MYOF: variants seen among roughly 807,000 people sequenced by gnomAD.
MYOF encodes myoferlin, also known as fer-1-like 3, myoferlin.
In MYOF, 244 loss-of-function variants were observed where a neutral mutation model predicts 284.2. The ratio of observed to expected loss-of-function variants is 0.86; its 90% CI spans 0.77 to 0.95. MYOF has a LOEUF of 0.95. Among genes scored for constraint, MYOF ranks in the 40% least tolerant of loss-of-function variants. The probability of loss-of-function intolerance (pLI) is 0.00; values close to 1 mark genes in which losing one functional copy is unlikely to be tolerated. For missense variants in MYOF, 2,496 were observed against 2,560.6 expected (o/e 0.97, Z 0.54); for synonymous variants, 904 against 919.7 (o/e 0.98, Z 0.31).
chr10:93,442,057 A>G (rs1282199865), intron 3 of MYOF, among the ~76,000 whole-genome samples: 1 of 139,858 alleles, frequency 7.2e-6, no homozygotes, highest in African/African-American at 2.6e-5. Context: ...AAACCTTGGA[A>G]AGTCTGGGCT....
intron 37 of MYOF, among the ~76,000 whole-genome samples, chr10:93,347,315 G>A (rs1210274386): frequency 6.6e-6 from 1 of 151,492 alleles, no homozygotes; most frequent in African/African-American, 2.4e-5. Context: ...CACTTTGGGA[G>A]GCCGAGGCGG....
intron 42 of MYOF, 21 bp from the exon 43 acceptor site, chr10:93,333,333 G>A: frequency 6.3e-7 from 1 of 1,598,318 alleles, no homozygotes; most frequent in Non-Finnish European, 8.6e-7. Flanking sequence ...AAATAGACGG[G>A]ATGTTACATC....
chr10:93,337,592 A>G (rs976705584), intron 40 of MYOF: 25 of 481,942 alleles, frequency 5.2e-5, no homozygotes, highest in Non-Finnish European at 7.7e-5. Context: ...CCAAGCCCCA[A>G]TGTGGCAGTC....
chr10:93,309,292 C>T (rs902306411), intron 53 of MYOF, among the ~76,000 whole-genome samples: 14 of 152,172 alleles, frequency 9.2e-5, no homozygotes, highest in Admixed American at 2.0e-4. Context: ...ACAAATCATG[C>T]CAATAATTTA....
chr10:93,313,817 C>T (rs188506558), intron 50 of MYOF, among the ~76,000 whole-genome samples: 46 of 152,196 alleles, frequency 3.0e-4, no homozygotes, highest in African/African-American at 6.3e-4. Flanking sequence ...ACAAGAATCG[C>T]GTGAGCCCAG....
intron 39 of MYOF, 100 bp from the exon 40 acceptor site, chr10:93,338,013 C>T: frequency 1.2e-6 from 1 of 859,610 alleles, no homozygotes; most frequent in Non-Finnish European, 1.9e-6. Flanking sequence ...ATAGGTTCTT[C>T]TGACCCTGTT....
In MYOF at chr10:93,431,516, T is replaced by A. The variant is rs1848869897; in HGVS notation, c.237A>T (p.Lys79Asn). The A allele has an allele frequency of 1.2e-6, 2 of 1,613,196 alleles. No individual in the cohort carries two copies. Among genetic ancestry groups the A allele is most frequent in the Admixed American group, 3.3e-5 (2 of 59,978 alleles). ...VKDFETIGQN[K>N]LIGTATVALK... ...GGGCTACAGTCGCCGTGCCAATTAA[T>A]CTGCAGGGAAAACAGGAAAGCACAT... The change falls in exon 4 of 54, where the codon AAA becomes AAT. Residue 79 changes from lysine to asparagine, a missense_variant and splice_region_variant. Physicochemically the swap from Lys to Asn is moderately conservative, Grantham distance 94. Around this residue, in one of 3 missense-constraint regions of MYOF, gnomAD observed 2,436 missense variants for 2,480.7 expected, o/e 0.98. Transcript: ENST00000359263.
At chr10:93,479,701 T>G (rs1371132858) in intron 1 of MYOF, among the ~76,000 whole-genome samples, 1 of 152,176 alleles carries the variant, frequency 6.6e-6, no homozygotes, top group Non-Finnish European at 1.5e-5. Context: ...AAATCAGATA[T>G]TGAGTTAATG....
chr10:93,425,765 G>T (rs73321726), intron 5 of MYOF: 4 of 404,034 alleles, frequency 9.9e-6, no homozygotes, highest in African/African-American at 2.0e-5. Context: ...ACTGTATGGG[G>T]TGGAAGCCAC....
intron 4 of MYOF, among the ~76,000 whole-genome samples, chr10:93,429,906 A>C (rs1014252148): frequency 2.0e-5 from 3 of 152,012 alleles, no homozygotes; most frequent in Non-Finnish European, 2.9e-5. Flanking sequence ...CTGGTCTTGC[A>C]TCAGAAAATA....
intron 3 of MYOF, 72 bp from the exon 4 acceptor site, chr10:93,431,588 A>G (rs1371958970): frequency 1.9e-6 from 2 of 1,078,672 alleles, no homozygotes; most frequent in Non-Finnish European, 2.8e-6. Context: ...GGACCTCTCA[A>G]CCCCTACCTC....
At chr10:93,320,812 GCACATTAGAAT>G (rs933243079) in intron 48 of MYOF, among the ~76,000 whole-genome samples, 6 of 152,280 alleles carry the variant, frequency 3.9e-5, no homozygotes, top group Admixed American at 1.3e-4. Flanking sequence ...TCTCGAAACT[GCACATTAGAAT>G]CACATTAGAA....
intron 4 of MYOF, 98 bp downstream of exon 4, chr10:93,431,310 G>T: frequency 2.1e-6 from 2 of 968,058 alleles, no homozygotes; most frequent in Non-Finnish European, 3.2e-6. Context: ...TGGGATTACA[G>T]GTGTGAGCCA....
chr10:93,416,805 C>T (rs1159118305), intron 5 of MYOF, among the ~76,000 whole-genome samples: 1 of 152,056 alleles, frequency 6.6e-6, no homozygotes, highest in Non-Finnish European at 1.5e-5. Flanking sequence ...GCCATGTTGG[C>T]CAGGCTGGTC....
At chr10:93,427,348 C>T (rs1379910012) in intron 4 of MYOF, among the ~76,000 whole-genome samples, 6 of 151,518 alleles carry the variant, frequency 4.0e-5, no homozygotes, top group African/African-American at 1.5e-4. Flanking sequence ...TTGGCCAACA[C>T]AGTAAAACCC....
At chr10:93,325,693 G>C in intron 46 of MYOF, 133 bp downstream of exon 46, 1 of 1,174,964 alleles carries the variant, frequency 8.5e-7, no homozygotes. Flanking sequence ...TTGATATGAC[G>C]CTAATTTGAG....
intron 38 of MYOF, among the ~76,000 whole-genome samples, chr10:93,343,620 T>G (rs1401267026): frequency 1.3e-5 from 2 of 152,238 alleles, no homozygotes; most frequent in African/African-American, 2.4e-5. Flanking sequence ...GGTTTTATTT[T>G]AAGTATTCTG....
At position 93,369,110 on chromosome 10, in the gene MYOF, C is replaced by CTTTTTTTTTTTTTTT. The variant is rs66923086; in HGVS notation, c.2589+520_2589+534dup. On this transcript the variant is annotated intron_variant, in intron 25 of 53. Transcript: ENST00000359263. ...TATTGTTTTAGAAGTATTCAGACAG[C>CTTTTTTTTTTTTTTT]TTTTTTTTTTTTTTTTTTTTTTGCC... Among the ~76,000 whole-genome samples the CTTTTTTTTTTTTTTT allele has an allele frequency of 2.1e-3, 161 of 78,314 alleles. 33 individuals are homozygous for CTTTTTTTTTTTTTTT. Among genetic ancestry groups the CTTTTTTTTTTTTTTT allele is most frequent in the African/African-American group, 9.6e-3 (148 of 15,450 alleles). The allele number at this position is 78,314 out of a possible 152,430, so 51.4% of individuals were successfully genotyped here.
intron 21 of MYOF, 70 bp from the exon 22 acceptor site, chr10:93,377,499 T>A: frequency 9.2e-7 from 1 of 1,083,128 alleles, no homozygotes; most frequent in Non-Finnish European, 1.4e-6. Flanking sequence ...TTCATATAGT[T>A]TAACCTGTGA....
Sources: allele counts gnomAD v4.1 joint callset (sites outside exome capture counted in the v4.1 genomes callset), GRCh38; gene constraint gnomAD v4.1.1; regional missense constraint gnomAD v4.1.1; transcripts MANE v1.5; gene names NCBI Gene and HGNC (gene_info 2026-07-23, HGNC 2026-07-21).